Variants in PAIP2 observed in about 807,000 individuals in gnomAD.
PAIP2 encodes the protein poly(A) binding protein interacting protein 2.
PAIP2 carries 7 observed loss-of-function variants against 14.8 expected under a neutral mutation model. That is an observed-to-expected ratio of 0.47 (90% CI 0.27 to 0.89). The LOEUF (loss-of-function observed/expected upper bound fraction) is 0.89, where lower values mean the gene tolerates loss of function less well. PAIP2 is among the 40% of genes least tolerant of loss of function. The pLI is 0.13. For missense variants in PAIP2, 122 were observed against 154.7 expected (o/e 0.79, Z 1.12); for synonymous variants, 47 against 45.3 (o/e 1.04, Z -0.15).
At chr5:139,350,631 A>G (rs1390984704) in intron 1 of PAIP2, among the ~76,000 whole-genome samples, 2 of 144,040 alleles carry the variant, frequency 1.4e-5, no homozygotes, top group East Asian at 3.9e-4. Context: ...ACTCTGTCTC[A>G]AAAAAATAAA....
At chr5:139,351,271 T>TA (rs1214860451) in intron 1 of PAIP2, among the ~76,000 whole-genome samples, 4 of 152,052 alleles carry the variant, frequency 2.6e-5, no homozygotes, top group Non-Finnish European at 5.9e-5. Flanking sequence ...TATTCCCACT[T>TA]ACAGGAATAT....
chr5:139,357,391 A>G (rs904044512), intron 1 of PAIP2, among the ~76,000 whole-genome samples: 1 of 152,108 alleles, frequency 6.6e-6, no homozygotes, highest in African/African-American at 2.4e-5. Flanking sequence ...TACTGTGTTG[A>G]TTGTTTGCCC....
At position 139,369,601 on chromosome 5, in the gene PAIP2, T is replaced by G. The variant is rs1757526718; in HGVS notation, c.*803T>G. The G allele has an allele frequency of 6.6e-6, 1 of 152,626 alleles. No homozygotes were observed. The highest frequency in any genetic ancestry group is 1.5e-5 in the Non-Finnish European group (1 of 68,032). 9.5% of individuals were successfully genotyped at this position (152,626 alleles called of 1,614,324 possible). On this transcript the variant is annotated 3_prime_UTR_variant, in exon 4 of 4. Transcript: ENST00000265192. ...CAGTTTTGGCTTCTTAAACTTCATA[T>G]TTGGGTAGGTTAAGCTGCCATACGT...
chr5:139,354,447 CTT>C (rs750597284), intron 1 of PAIP2, among the ~76,000 whole-genome samples: 1 of 152,072 alleles, frequency 6.6e-6, no homozygotes, highest in Non-Finnish European at 1.5e-5. Context: ...AAGATGCTCT[CTT>C]TGTCTTTCAA....
intron 3 of PAIP2, among the ~76,000 whole-genome samples, chr5:139,365,333 A>G (rs1261628947): frequency 1.3e-5 from 2 of 151,764 alleles, no homozygotes; most frequent in African/African-American, 2.4e-5. Flanking sequence ...TAAAATTACA[A>G]AAATTAGCTG....
chr5:139,363,707 A>G, intron 1 of PAIP2, 52 bp from the exon 2 acceptor site: 5 of 1,528,304 alleles, frequency 3.3e-6, no homozygotes, highest in Non-Finnish European at 4.5e-6. Context: ...TGTCTCAGAA[A>G]GAAAAAACCC....
At chr5:139,346,884 A>T (rs1345818427) in intron 1 of PAIP2, among the ~76,000 whole-genome samples, 2 of 151,180 alleles carry the variant, frequency 1.3e-5, no homozygotes, top group Non-Finnish European at 2.9e-5. Context: ...ATCTCAGCTC[A>T]CTGCAACCTC....
intron 1 of PAIP2, chr5:139,343,305 T>C (rs1337584699): frequency 1.3e-5 from 2 of 152,220 alleles, no homozygotes; most frequent in Non-Finnish European, 2.9e-5. Flanking sequence ...ACAAGAACTA[T>C]AGAACCCACT....
intron 1 of PAIP2, among the ~76,000 whole-genome samples, chr5:139,343,621 A>G (rs921433162): frequency 6.6e-6 from 1 of 152,132 alleles, no homozygotes; most frequent in African/African-American, 2.4e-5. Flanking sequence ...CTTGTAATCT[A>G]ATAACCTTTT....
chr5:139,352,502 G>GTTTTTTTTTTTTTGTT (rs536704901), intron 1 of PAIP2, among the ~76,000 whole-genome samples: 2 of 76,156 alleles, frequency 2.6e-5, no homozygotes, highest in Non-Finnish European at 6.7e-5. Context: ...TTTTTTTGTT[G>GTTTTTTTTTTTTTGTT]TTTTTTTTTT....
At chr5:139,363,410 A>C (rs1298754470) in intron 1 of PAIP2, among the ~76,000 whole-genome samples, 1 of 152,132 alleles carries the variant, frequency 6.6e-6, no homozygotes, top group Non-Finnish European at 1.5e-5. Context: ...CTAATAATAA[A>C]CAGATGCTCA....
chr5:139,358,711 A>G (rs1756987626), intron 1 of PAIP2, among the ~76,000 whole-genome samples: 1 of 152,240 alleles, frequency 6.6e-6, no homozygotes, highest in Non-Finnish European at 1.5e-5. Flanking sequence ...ATGCTACAAC[A>G]TAGGTGAACC....
At chr5:139,350,638 T>A (rs11951008) in intron 1 of PAIP2, among the ~76,000 whole-genome samples, 83,024 of 149,620 alleles carry the variant, frequency 0.55, 25,537 homozygotes, top group Non-Finnish European at 0.7. Context: ...CTCAAAAAAA[T>A]AAATAAATAA....
At chr5:139,358,235 T>A (rs1180877744) in intron 1 of PAIP2, among the ~76,000 whole-genome samples, 1 of 152,252 alleles carries the variant, frequency 6.6e-6, no homozygotes, top group East Asian at 1.9e-4. Context: ...CTTAGTTCTT[T>A]GTCATGGAAA....
At chr5:139,364,493 C>A in intron 2 of PAIP2, 71 bp from the exon 3 acceptor site, 1 of 895,114 alleles carries the variant, frequency 1.1e-6, no homozygotes, top group Non-Finnish European at 1.7e-6. Flanking sequence ...TGGTTTAGTT[C>A]AAGATATTTT....
intron 1 of PAIP2, among the ~76,000 whole-genome samples, chr5:139,356,967 G>C (rs1405923007): frequency 1.3e-5 from 2 of 151,544 alleles, no homozygotes. Flanking sequence ...CAGGTTTGTT[G>C]CCACTTATTG....
intron 1 of PAIP2, among the ~76,000 whole-genome samples, chr5:139,343,754 A>T (rs960756935): frequency 3.9e-5 from 5 of 129,594 alleles, no homozygotes; most frequent in African/African-American, 1.5e-4. Context: ...CTCTGTCGCC[A>T]GGCTGGAGTG....
intron 1 of PAIP2, among the ~76,000 whole-genome samples, chr5:139,344,716 C>T (rs2152043279): frequency 6.6e-6 from 1 of 151,904 alleles, no homozygotes; most frequent in East Asian, 1.9e-4. Flanking sequence ...TTAGGATGAC[C>T]CATTCTTGCT....
chr5:139,357,867 A>G (rs1232400542), intron 1 of PAIP2, among the ~76,000 whole-genome samples: 1 of 152,258 alleles, frequency 6.6e-6, no homozygotes, highest in Non-Finnish European at 1.5e-5. Context: ...GCTACCTCCA[A>G]CTTGTACCAA....
Sources: gnomAD v4.1 joint callset for allele counts (sites outside exome capture counted in the v4.1 genomes callset) on GRCh38, gnomAD v4.1.1 for gene constraint, MANE v1.5 for transcripts, NCBI Gene and HGNC (gene_info 2026-07-23, HGNC 2026-07-21) for gene names.